The following CMTM1 variants were observed in gnomAD, a reference collection of about 807,000 sequenced individuals.
CMTM1 encodes CKLF-like MARVEL transmembrane domain-containing protein 1.
A neutral mutation model predicts 17.8 loss-of-function variants in CMTM1; 16 were observed. The observed-to-expected ratio is 0.90, with a 90% CI of 0.61 to 1.37. The LOEUF (loss-of-function observed/expected upper bound fraction) is 1.37. Among genes scored for constraint, CMTM1 ranks in the 40% most tolerant of loss-of-function variants. CMTM1 has a pLI of 0.00. For missense variants in CMTM1, 354 were observed against 375.6 expected (o/e 0.94, Z 0.47); for synonymous variants, 169 against 154.6 (o/e 1.09, Z -0.69).
intron 1 of CMTM1, among the ~76,000 whole-genome samples, chr16:66,569,387 A>G (rs2013140654): frequency 6.6e-6 from 1 of 152,242 alleles, no homozygotes; most frequent in Admixed American, 6.5e-5. Flanking sequence ...AACTCAGTAT[A>G]GAGTGAATTG....
intron 1 of CMTM1, among the ~76,000 whole-genome samples, chr16:66,568,498 A>G (rs144399419): frequency 6.6e-6 from 1 of 152,306 alleles, no homozygotes; most frequent in Non-Finnish European, 1.5e-5. Flanking sequence ...TATCAGAAGT[A>G]TTATTTATTA....
chr16:66,577,037 AC>A lies in CMTM1; in HGVS notation c.592-65del, dbSNP rs1332266844. Reference sequence around the variant, plus strand: ...GCATCTATTCTTAGATGTGTAATTGACCAGTTTAAATATTTGTGAAATTATA... The same window carrying A: ...GCATCTATTCTTAGATGTGTAATTGACAGTTTAAATATTTGTGAAATTATA... On this transcript the variant is annotated intron_variant, in intron 2 of 3. Transcript: ENST00000379500. The A allele has an allele frequency of 1.2e-4, 174 of 1,428,304 alleles. No homozygotes were observed. In the African/African-American group the frequency reaches 2.3e-3, roughly 19 times the overall value. 88.5% of individuals were successfully genotyped at this position (1,428,304 alleles called of 1,614,324 possible).
intron 2 of CMTM1, among the ~76,000 whole-genome samples, chr16:66,572,542 A>G (rs1236320540): frequency 1.3e-5 from 2 of 152,160 alleles, no homozygotes; most frequent in Non-Finnish European, 2.9e-5. Flanking sequence ...CAGGCTTAGA[A>G]TCAAGCTTCA....
Position 66,566,477 on chromosome 16 carries a change from G to A in CMTM1, c.-37G>A, listed in dbSNP as rs200484856. ...CCAGGGGAGAGCCAGCCGCTGCCGC[G>A]GCACTGGTTCAGACGGCCAGGCCCT... is the stretch of plus-strand genomic sequence containing the variant. On this transcript the variant is annotated 5_prime_UTR_variant, in exon 1 of 4. Coordinates refer to ENST00000379500, the MANE Select transcript of CMTM1 (RefSeq NM_052999.4). This position sits in a 1 kb window ranked among gnomAD's most constrained non-coding sequence, Gnocchi z 4.9. The A allele has an allele frequency of 7.4e-5, 113 of 1,535,118 alleles. No individual in the cohort carries two copies. In the East Asian group the frequency reaches 2.1e-3, roughly 28 times the overall value.
At chr16:66,575,601 AT>A (rs2014131217) in intron 2 of CMTM1, among the ~76,000 whole-genome samples, 1 of 152,150 alleles carries the variant, frequency 6.6e-6, no homozygotes, top group African/African-American at 2.4e-5. Flanking sequence ...TTGAGTTCTG[AT>A]TCCACCCATT....
At chr16:66,568,884 A>G (rs77481594) in intron 1 of CMTM1, among the ~76,000 whole-genome samples, 1 of 120,934 alleles carries the variant, frequency 8.3e-6, no homozygotes, top group South Asian at 2.7e-4. Flanking sequence ...AGACTGTCTC[A>G]AAAAAAAAAA....
At position 66,566,474 on chromosome 16, in the gene CMTM1, C is replaced by A. The variant is rs375996235; in HGVS notation, c.-40C>A. 7.2e-6 allele frequency: 11 copies of A among 1,527,760 alleles called. No homozygotes were observed. In the East Asian group the frequency reaches 2.3e-4, roughly 31 times the overall value. 94.6% of individuals were successfully genotyped at this position (1,527,760 alleles called of 1,614,324 possible). The stretch of plus-strand genomic sequence containing the variant: ...TTCCCAGGGGAGAGCCAGCCGCTGC[C>A]GCGGCACTGGTTCAGACGGCCAGGC... On this transcript the variant is annotated 5_prime_UTR_variant, in exon 1 of 4. Coordinates refer to ENST00000379500, the MANE Select transcript of CMTM1 (RefSeq NM_052999.4). This position sits in a 1 kb window ranked among gnomAD's most constrained non-coding sequence, Gnocchi z 4.9.
intron 3 of CMTM1, among the ~76,000 whole-genome samples, chr16:66,578,194 C>T (rs942068400): frequency 6.6e-6 from 1 of 152,160 alleles, no homozygotes; most frequent in Non-Finnish European, 1.5e-5. Context: ...GGGGTTCCCA[C>T]CCCCAGGTAT....
Position 66,566,450 on chromosome 16 carries a change from TC to T in CMTM1, c.-61del. The T allele has an allele frequency of 1.3e-6, 2 of 1,499,870 alleles. No individual in the cohort carries two copies. The highest frequency in any genetic ancestry group is 1.3e-5 in the South Asian group (1 of 76,232). 92.9% of individuals were successfully genotyped at this position (1,499,870 alleles called of 1,614,324 possible). A position where few individuals can be genotyped will look rare whatever the true frequency, so the allele number is the denominator to read the frequency against. On this transcript the variant is annotated 5_prime_UTR_variant, in exon 1 of 4. Transcript: ENST00000379500. This position sits in a 1 kb window ranked among gnomAD's most constrained non-coding sequence, Gnocchi z 4.9. ...ACAGCCGTTGGGACGCGACGCTGGT[TC>T]CCAGGGGAGAGCCAGCCGCTGCCGC...
chr16:66,575,163 G>A (rs1228967385), intron 2 of CMTM1: 6 of 985,250 alleles, frequency 6.1e-6, no homozygotes, highest in Admixed American at 6.2e-5. Flanking sequence ...AGGGCTCCTC[G>A]GTCGCCAGCC....
rs74711671 is a variant in CMTM1, at chr16:66,575,506, G to A, written c.592-1598G>A. ...GACCCATTCCACAGAAAATGCCAAA[G>A]ATGGATTGGATGCTGCACTTCCAGA... On this transcript the variant is annotated intron_variant, in intron 2 of 3. Coordinates refer to ENST00000379500, the MANE Select transcript of CMTM1 (RefSeq NM_052999.4). Among the ~76,000 whole-genome samples the A allele has an allele frequency of 4.9e-3, 754 of 152,324 alleles. 4 individuals are homozygous for A. Among genetic ancestry groups the A allele is most frequent in the Non-Finnish European group, 8.8e-3 (598 of 68,030 alleles).
At chr16:66,568,179 A>G in intron 1 of CMTM1, among the ~76,000 whole-genome samples, 1 of 152,256 alleles carries the variant, frequency 6.6e-6, no homozygotes, top group Non-Finnish European at 1.5e-5. Flanking sequence ...ATCAGAACAA[A>G]ATGTCAATCT....
rs1240254851 is a variant in CMTM1, at chr16:66,566,529, G to A, written c.16G>A (p.Ala6Thr). Reference protein sequence around the residue: MDPEHAKPESSEAPSG... With the variant: MDPEHTKPESSEAPSG... ...GGGACCCACCATGGATCCTGAACAC[G>A]CCAAACCTGAGTCATCCGAGGCACC... Residue 6 changes from alanine to threonine, a missense_variant, in exon 1 of 4, where the codon GCC becomes ACC. Transcript: ENST00000379500. The surrounding 1 kb of genome is among the most constrained non-coding windows in gnomAD (Gnocchi z 4.9). 1.2e-6 allele frequency: 2 copies of A among 1,610,144 alleles called. No individual in the cohort carries two copies. The highest frequency in any genetic ancestry group is 2.2e-5 in the East Asian group (1 of 44,860).
chr16:66,573,362 C>T (rs2013808465), intron 2 of CMTM1, among the ~76,000 whole-genome samples: 1 of 152,162 alleles, frequency 6.6e-6, no homozygotes, highest in African/African-American at 2.4e-5. Flanking sequence ...TTTACCAACT[C>T]GCCCCACTCT....
intron 2 of CMTM1, among the ~76,000 whole-genome samples, chr16:66,576,550 A>G (rs2014272137): frequency 1.3e-5 from 2 of 152,216 alleles, no homozygotes; most frequent in Admixed American, 6.5e-5. Context: ...TGCTCCTCAG[A>G]TGAGTTCATA....
At chr16:66,572,948 A>G (rs553907417) in intron 2 of CMTM1, among the ~76,000 whole-genome samples, 10 of 152,356 alleles carry the variant, frequency 6.6e-5, no homozygotes, top group Admixed American at 5.2e-4. Flanking sequence ...CTGCAGATAC[A>G]GGTGACCTGC....
Position 66,566,681 on chromosome 16 carries a change from C to G in CMTM1, c.168C>G (p.Val56=), listed in dbSNP as rs374155136. 34 of 1,613,874 alleles carry G rather than the reference C, an allele frequency of 2.1e-5. No individual in the cohort carries two copies. The highest frequency in any genetic ancestry group is 2.7e-5 in the Non-Finnish European group (32 of 1,179,912). Residue 56 remains valine, a synonymous_variant, in exon 1 of 4, where the codon GTC becomes GTG. Transcript: ENST00000379500. This position sits in a 1 kb window ranked among gnomAD's most constrained non-coding sequence, Gnocchi z 4.9. ...CCGCACCCCGGAAGCACCCCGCAGT[C>G]TCAATTCGCAGTGCGCAGTCCGCAG... The part of the protein sequence containing the change: ...AKTAPRKHPA[V]SIRSAQSAAA...
chr16:66,566,452 C>T lies in CMTM1; in HGVS notation c.-62C>T. 1 of 1,498,902 alleles carries T rather than the reference C, an allele frequency of 6.7e-7. No individual in the cohort carries two copies. The highest frequency in any genetic ancestry group is 8.9e-7 in the Non-Finnish European group (1 of 1,125,754). 92.9% of individuals were successfully genotyped at this position (1,498,902 alleles called of 1,614,324 possible). On this transcript the variant is annotated 5_prime_UTR_variant, in exon 1 of 4. Coordinates refer to ENST00000379500, the MANE Select transcript of CMTM1 (RefSeq NM_052999.4). The surrounding 1 kb of genome is among the most constrained non-coding windows in gnomAD (Gnocchi z 4.9). Reference sequence around the variant, plus strand: ...AGCCGTTGGGACGCGACGCTGGTTCCCAGGGGAGAGCCAGCCGCTGCCGCG... The same window carrying T: ...AGCCGTTGGGACGCGACGCTGGTTCTCAGGGGAGAGCCAGCCGCTGCCGCG...
intron 2 of CMTM1, among the ~76,000 whole-genome samples, chr16:66,575,638 T>A (rs2014137125): frequency 6.6e-6 from 1 of 152,162 alleles, no homozygotes; most frequent in African/African-American, 2.4e-5. Flanking sequence ...ACTGAAAAAC[T>A]CCAAGCCTCC....
Sources: gnomAD v4.1 joint callset for allele counts (sites outside exome capture counted in the v4.1 genomes callset) on GRCh38, gnomAD v4.1.1 for gene constraint, Gnocchi (gnomAD v3.1) non-coding constraint, MANE v1.5 for transcripts, NCBI Gene and HGNC (gene_info 2026-07-23, HGNC 2026-07-21) for gene names.